Variants in MYH9 observed in about 807,000 individuals in gnomAD.
The protein encoded by MYH9 is myosin heavy chain 9.
A neutral mutation model predicts 241.9 loss-of-function variants in MYH9; 29 were observed. The observed-to-expected ratio is 0.12, with a 90% CI of 0.09 to 0.16. The LOEUF is 0.16. Ranked by LOEUF, MYH9 falls within the 10% of genes least tolerant of loss-of-function variation. The pLI is 1.00. For synonymous variants in MYH9, 1,047 were observed against 1,062.6 expected (o/e 0.99, Z 0.29); for missense variants, 1,803 against 2,595.5 (o/e 0.69, Z 6.63).
chr22:36,301,062 A>G lies in MYH9; in HGVS notation c.2632-5T>C. On this transcript the variant is annotated splice_polypyrimidine_tract_variant and splice_region_variant and intron_variant, in intron 21 of 40. Transcript: ENST00000216181. The stretch of plus-strand genomic sequence containing the variant: ...CTGCAATTTCTCTGCCATGAGCTGC[A>G]AACAACAAGTGGAAAACACAAGCTC... 1 of 1,608,526 alleles carries G rather than the reference A, an allele frequency of 6.2e-7. No individual in the cohort carries two copies. The highest frequency in any genetic ancestry group is 8.5e-7 in the Non-Finnish European group (1 of 1,179,940).
chr22:36,336,008 A>C (rs2017491819), intron 3 of MYH9, among the ~76,000 whole-genome samples: 1 of 152,192 alleles, frequency 6.6e-6, no homozygotes, highest in Non-Finnish European at 1.5e-5. Context: ...TGGGTGACCA[A>C]CCACCTCTGG....
intron 14 of MYH9, among the ~76,000 whole-genome samples, chr22:36,309,879 T>C (rs1240256397): frequency 1.3e-5 from 2 of 152,230 alleles, no homozygotes; most frequent in Non-Finnish European, 2.9e-5. Flanking sequence ...TTTAAATATA[T>C]TTTTTTAATT....
intron 5 of MYH9, 75 bp from the exon 6 acceptor site, chr22:36,322,596 G>A: frequency 7.1e-7 from 1 of 1,413,826 alleles, no homozygotes; most frequent in South Asian, 1.1e-5. Context: ...CTGGAAGGGG[G>A]ACGATGGCAG....
chr22:36,305,254 C>T lies in MYH9; in HGVS notation c.2160-152G>A. ...CTAAGGAAAGAAGACACAGGCAAAT[C>T]CCACCCCACTCTTTTCTTCGGCTGA... On this transcript the variant is annotated intron_variant, in intron 17 of 40. Transcript: ENST00000216181. The surrounding 1 kb of genome is among the most constrained non-coding windows in gnomAD (Gnocchi z 4.7). The T allele has an allele frequency of 1.3e-6, 1 of 751,470 alleles. No homozygotes were observed. Among genetic ancestry groups the T allele is most frequent in the South Asian group, 1.5e-5 (1 of 66,366 alleles). 46.6% of individuals were successfully genotyped at this position (751,470 alleles called of 1,614,324 possible).
chr22:36,337,647 C>A (rs551503275), intron 3 of MYH9, among the ~76,000 whole-genome samples: 22 of 152,322 alleles, frequency 1.4e-4, no homozygotes, highest in Non-Finnish European at 2.8e-4. Flanking sequence ...TTGTCTAGTT[C>A]TTGTTTAAAG....
intron 1 of MYH9, among the ~76,000 whole-genome samples, chr22:36,382,910 G>A (rs927061641): frequency 7.2e-5 from 11 of 152,088 alleles, no homozygotes; most frequent in African/African-American, 2.7e-4. Context: ...TTTGTAGGGA[G>A]ATACGGCACC....
intron 18 of MYH9, 134 bp downstream of exon 18, chr22:36,304,899 A>T: frequency 1.1e-6 from 1 of 892,322 alleles, no homozygotes; most frequent in Non-Finnish European, 1.8e-6. Flanking sequence ...GCAGAGTCAG[A>T]CGCGGAGCAT....
intron 14 of MYH9, among the ~76,000 whole-genome samples, chr22:36,310,562 G>A (rs1299920926): frequency 2.0e-5 from 3 of 152,184 alleles, no homozygotes; most frequent in Non-Finnish European, 4.4e-5. Flanking sequence ...GCGAATGCAC[G>A]CTGCTGCATC....
rs73405727 is a variant in MYH9, at chr22:36,294,441, C to T, written c.3631-143G>A. 12,844 of 839,516 alleles carry T rather than the reference C, an allele frequency of 0.015. 1,285 individuals are homozygous for T. In the African/African-American group the frequency reaches 0.2, roughly 13 times the overall value. The allele number at this position is 839,516 out of a possible 1,614,324, so 52.0% of individuals were successfully genotyped here. On this transcript the variant is annotated intron_variant, in intron 27 of 40. Transcript: ENST00000216181. ...GCCTGCGTCCTGGACTCAGACGGCT[C>T]GGGCCTCATCTGTCCTGTCCTCTTC...
In MYH9 at chr22:36,305,938, A is replaced by G. The variant is rs2016962093; in HGVS notation, c.2151T>C (p.Phe717=). 2 of 1,613,152 alleles carry G rather than the reference A, an allele frequency of 1.2e-6. No individual in the cohort carries two copies. The highest frequency in any genetic ancestry group is 8.5e-7 in the Non-Finnish European group (1 of 1,179,956). The part of the protein sequence containing the change: ...GFPNRVVFQE[F]RQRYEILTPN... ...TCCGGGCCCTGGCTCACCTCTGCCG[A>G]AACTCCTGGAAGACCACCCTGTTGG... The change falls in exon 17 of 41, where the codon TTT becomes TTC. Residue 717 remains phenylalanine (F), a synonymous_variant. Transcript: ENST00000216181. The surrounding 1 kb of genome is among the most constrained non-coding windows in gnomAD (Gnocchi z 4.7).
At chr22:36,336,794 C>T (rs1053653111) in intron 3 of MYH9, among the ~76,000 whole-genome samples, 5 of 152,214 alleles carry the variant, frequency 3.3e-5, no homozygotes, top group Admixed American at 6.5e-5. Flanking sequence ...GTCGTGCTGG[C>T]GCAGGTGTAG....
rs16996643 is a variant in MYH9 at position 36,284,829 on chromosome 22, G to A, written c.5483+292C>T. ...AGTCTCAGTCCTGCTGAGCCCATAG[G>A]ACAACTGTCCTAGTGGGCAGGACCC... is the stretch of plus-strand genomic sequence containing the variant. On this transcript the variant is annotated intron_variant, in intron 38 of 40. Transcript: ENST00000216181. Among the ~76,000 whole-genome samples the A allele has an allele frequency of 0.042, 6,458 of 152,210 alleles. 316 individuals are homozygous for A. The highest frequency in any genetic ancestry group is 0.12 in the African/African-American group (5,063 of 41,530).
intron 14 of MYH9, 148 bp from the exon 15 acceptor site, chr22:36,309,544 G>A: frequency 1.4e-6 from 1 of 694,864 alleles, no homozygotes; most frequent in Non-Finnish European, 2.6e-6. Context: ...TAAGAAGGAA[G>A]TGGTGAGGAT....
intron 31 of MYH9, among the ~76,000 whole-genome samples, chr22:36,291,009 A>G (rs1311431156): frequency 7.0e-6 from 1 of 142,186 alleles, no homozygotes; most frequent in Non-Finnish European, 1.5e-5. Flanking sequence ...CCGTCTGGGA[A>G]GTGAGGAGCG....
chr22:36,309,422 C>G, intron 14 of MYH9, 26 bp from the exon 15 acceptor site: 1 of 1,564,476 alleles, frequency 6.4e-7, no homozygotes, highest in Non-Finnish European at 8.8e-7. Flanking sequence ...AGGCAGGAGT[C>G]ACAAGCTGCG....
rs143986914 is a variant in MYH9 at position 36,306,218 on chromosome 22, A to G, written c.2038-167T>C. 2.5e-3 allele frequency among the ~76,000 whole-genome samples: 376 copies of G among 152,318 alleles called. 5 individuals carry two copies. The highest frequency in any genetic ancestry group is 1.9e-3 in the East Asian group (10 of 5,182). ...AAAGGATCCAGGTCTGGGAGGGGCCAATGCCACCAAGAGGAAGTGCAGGCT... is the reference window on the plus strand; with the variant it reads ...AAAGGATCCAGGTCTGGGAGGGGCCGATGCCACCAAGAGGAAGTGCAGGCT... On this transcript the variant is annotated intron_variant, in intron 16 of 40. Transcript: ENST00000216181. The surrounding 1 kb of genome is among the most constrained non-coding windows in gnomAD (Gnocchi z 4.1).
rs1050752382 is a variant in MYH9 at position 36,295,932 on chromosome 22, T to G, written c.3273-215A>C. 2.0e-5 allele frequency among the ~76,000 whole-genome samples: 3 copies of G among 152,188 alleles called. No individual in the cohort carries two copies. The highest frequency in any genetic ancestry group is 2.9e-5 in the Non-Finnish European group (2 of 68,042). Reference sequence around the variant, plus strand: ...AGCAGAAAACCTCATAGAGGAATCGTTTCAATTTCCAAAGTAAGATTCACT... The same window carrying G: ...AGCAGAAAACCTCATAGAGGAATCGGTTCAATTTCCAAAGTAAGATTCACT... On this transcript the variant is annotated intron_variant, in intron 25 of 40. Transcript: ENST00000216181. This position sits in a 1 kb window ranked among gnomAD's most constrained non-coding sequence, Gnocchi z 4.1.
intron 1 of MYH9, among the ~76,000 whole-genome samples, chr22:36,361,749 A>C (rs1224789706): frequency 6.6e-6 from 1 of 152,068 alleles, no homozygotes; most frequent in Non-Finnish European, 1.5e-5. Context: ...ATTGGGGAGG[A>C]GCAGAGGTGA....
intron 5 of MYH9, among the ~76,000 whole-genome samples, chr22:36,322,986 G>A (rs781330029): frequency 2.1e-4 from 32 of 152,098 alleles, no homozygotes; most frequent in Non-Finnish European, 3.2e-4. Flanking sequence ...AAATATACAC[G>A]CTCATCTCAT....
Sources: allele counts gnomAD v4.1 joint callset (sites outside exome capture counted in the v4.1 genomes callset), GRCh38; gene constraint gnomAD v4.1.1; non-coding constraint Gnocchi (gnomAD v3.1); transcripts MANE v1.5; gene names NCBI Gene and HGNC (gene_info 2026-07-23, HGNC 2026-07-21).